ADGRL3: variants seen among roughly 807,000 people sequenced by gnomAD.
ADGRL3 encodes the protein adhesion G protein-coupled receptor L3, also known as calcium-independent alpha-latrotoxin receptor 3.
In ADGRL3, 62 loss-of-function variants were observed where a neutral mutation model predicts 153.5. That is an observed-to-expected ratio of 0.40 (90% CI 0.33 to 0.50). The LOEUF (loss-of-function observed/expected upper bound fraction) is 0.50. Among genes scored for constraint, ADGRL3 ranks in the 20% least tolerant of loss-of-function variants. The probability of loss-of-function intolerance (pLI) is 0.47; values close to 1 mark genes in which losing one functional copy is unlikely to be tolerated. For missense variants in ADGRL3, 1,641 were observed against 1,859.4 expected (o/e 0.88, Z 2.16); for synonymous variants, 710 against 672.5 (o/e 1.06, Z -0.86).
intron 5 of ADGRL3, among the ~76,000 whole-genome samples, chr4:61,668,116 T>G (rs1311845228): frequency 2.0e-5 from 3 of 152,192 alleles, no homozygotes; most frequent in Non-Finnish European, 4.4e-5. Context: ...GATGAGCTGA[T>G]TATCTTGGAT....
At chr4:61,351,956 A>G (rs932317087) in intron 1 of ADGRL3, among the ~76,000 whole-genome samples, 2 of 152,222 alleles carry the variant, frequency 1.3e-5, no homozygotes, top group Non-Finnish European at 2.9e-5. Context: ...AATGTAATTC[A>G]TAAGGCTATA....
At chr4:61,646,379 A>G (rs2093985715) in intron 5 of ADGRL3, among the ~76,000 whole-genome samples, 1 of 151,588 alleles carries the variant, frequency 6.6e-6, no homozygotes. Context: ...TAGAGTTTCC[A>G]GTTTTTCTGC....
chr4:62,070,419 C>T lies in ADGRL3; in HGVS notation c.4143C>T (p.Ala1381=). 1 of 1,551,972 alleles carries T rather than the reference C, an allele frequency of 6.4e-7. No individual in the cohort carries two copies. The highest frequency in any genetic ancestry group is 8.7e-7 in the Non-Finnish European group (1 of 1,147,038). ...REDDAIVLDD[A]TSFNHEESLG... ...ATGATGCCATTGTCCTGGATGATGC[C>T]ACCTCGTTTAACCACGAGGAGAGTT... Residue 1381 remains alanine (A), a synonymous_variant, in exon 27 of 27, where the codon GCC becomes GCT. Transcript: ENST00000683033.
intron 3 of ADGRL3, among the ~76,000 whole-genome samples, chr4:61,504,699 T>C (rs1289332358): frequency 6.6e-6 from 1 of 152,184 alleles, no homozygotes; most frequent in Admixed American, 6.6e-5. Context: ...CATTCTACTC[T>C]CTGTCTCCAT....
At chr4:61,643,823 T>A (rs2093815866) in intron 5 of ADGRL3, among the ~76,000 whole-genome samples, 1 of 146,558 alleles carries the variant, frequency 6.8e-6, no homozygotes, top group Admixed American at 6.9e-5. Context: ...TAGGGAGGAT[T>A]CCCTCTTTTT....
chr4:61,951,623 C>T (rs768445249), intron 17 of ADGRL3, among the ~76,000 whole-genome samples: 10 of 152,024 alleles, frequency 6.6e-5, no homozygotes, highest in Non-Finnish European at 1.2e-4. Flanking sequence ...CCCAGTACTT[C>T]GGGAGGCTGA....
chr4:61,290,908 A>G (rs975212062), intron 1 of ADGRL3, among the ~76,000 whole-genome samples: 5 of 152,084 alleles, frequency 3.3e-5, no homozygotes, highest in Non-Finnish European at 7.4e-5. Flanking sequence ...GCAATATACT[A>G]TAAATGCAAA....
intron 6 of ADGRL3, among the ~76,000 whole-genome samples, chr4:61,690,987 A>G (rs2095529918): frequency 6.6e-6 from 1 of 152,190 alleles, no homozygotes; most frequent in South Asian, 2.1e-4. Context: ...AATGGGTTCA[A>G]ATACCAAGTT....
chr4:61,685,189 A>T (rs897375907), intron 6 of ADGRL3, among the ~76,000 whole-genome samples: 4 of 152,004 alleles, frequency 2.6e-5, no homozygotes, highest in Non-Finnish European at 5.9e-5. Context: ...AAGTTTTGGG[A>T]TTACAGGCAT....
intron 5 of ADGRL3, among the ~76,000 whole-genome samples, chr4:61,641,781 T>C (rs1023921160): frequency 6.6e-6 from 1 of 151,168 alleles, no homozygotes; most frequent in African/African-American, 2.4e-5. Flanking sequence ...GCATGATTTA[T>C]AGTCCTTCGG....
chr4:61,803,471 A>G lies in ADGRL3; in HGVS notation c.1400-10338A>G, dbSNP rs553201846. Among the ~76,000 whole-genome samples, 71 of 152,246 alleles carry G rather than the reference A, an allele frequency of 4.7e-4. No homozygotes were observed. In the South Asian group the frequency reaches 9.5e-3, roughly 20 times the overall value. ...ATATGAGAGAAAGCTCTATTCATCT[A>G]TGACATAGAGCTCTATTTGTCTTTC... is the stretch of plus-strand genomic sequence containing the variant. On this transcript the variant is annotated intron_variant, in intron 8 of 26. Transcript: ENST00000683033.
intron 17 of ADGRL3, among the ~76,000 whole-genome samples, chr4:61,966,675 C>G (rs1221566139): frequency 6.6e-6 from 1 of 150,962 alleles, no homozygotes; most frequent in Non-Finnish European, 1.5e-5. Context: ...AGAAATGAGC[C>G]CAGAAAACTC....
chr4:61,273,919 ATAGTAACT>A (rs1247034982), intron 1 of ADGRL3, among the ~76,000 whole-genome samples: 2 of 152,172 alleles, frequency 1.3e-5, no homozygotes, highest in African/African-American at 4.8e-5. Flanking sequence ...AGAATTTGAC[ATAGTAACT>A]ATTAATAGCT....
chr4:62,059,620 G>T (rs570045124), intron 25 of ADGRL3, among the ~76,000 whole-genome samples: 1 of 152,020 alleles, frequency 6.6e-6, no homozygotes, highest in Admixed American at 6.6e-5. Flanking sequence ...AGTGTAACCA[G>T]CAAATAGATC....
chr4:61,775,402 TTGTG>T (rs61671331), intron 8 of ADGRL3: 1,889 of 447,980 alleles, frequency 4.2e-3, no homozygotes, highest in Admixed American at 5.5e-3. Flanking sequence ...TTTTCTTTCT[TTGTG>T]TGTGTGTGTG....
At chr4:61,940,174 T>C (rs2098879674) in intron 15 of ADGRL3, among the ~76,000 whole-genome samples, 1 of 93,338 alleles carries the variant, frequency 1.1e-5, no homozygotes, top group South Asian at 5.0e-4. Context: ...AGTGAGAATA[T>C]GCGGTGTTTG....
intron 1 of ADGRL3, among the ~76,000 whole-genome samples, chr4:61,371,422 C>G (rs1025553388): frequency 3.5e-4 from 53 of 151,704 alleles, no homozygotes; most frequent in African/African-American, 1.3e-3. Flanking sequence ...TTAGGGCAGG[C>G]CTGGTGGTGA....
chr4:62,036,880 T>C (rs1477489201), intron 23 of ADGRL3, among the ~76,000 whole-genome samples: 1 of 152,044 alleles, frequency 6.6e-6, no homozygotes, highest in Non-Finnish European at 1.5e-5. Flanking sequence ...TATTTTTATA[T>C]GCCTTGTTCA....
intron 1 of ADGRL3, among the ~76,000 whole-genome samples, chr4:61,259,388 A>G (rs1031246453): frequency 6.6e-6 from 1 of 151,820 alleles, no homozygotes; most frequent in East Asian, 1.9e-4. Flanking sequence ...GCGCCACTGC[A>G]CTCCAGCCTG....
Sources: allele counts gnomAD v4.1 joint callset (sites outside exome capture counted in the v4.1 genomes callset), GRCh38; gene constraint gnomAD v4.1.1; transcripts MANE v1.5; gene names NCBI Gene and HGNC (gene_info 2026-07-23, HGNC 2026-07-21).